The following FBXO11 variants were observed in gnomAD, a reference collection of about 807,000 sequenced individuals.
The protein encoded by FBXO11 is F-box only protein 11.
FBXO11 carries 13 observed loss-of-function variants against 117.0 expected under a neutral mutation model. That is an observed-to-expected ratio of 0.11 (90% CI 0.07 to 0.18). The LOEUF (loss-of-function observed/expected upper bound fraction) is 0.18, where lower values mean the gene tolerates loss of function less well. FBXO11 is among the 10% of genes least tolerant of loss of function. The pLI is 1.00. For synonymous variants in FBXO11, 490 were observed against 380.5 expected (o/e 1.29, Z -3.35); for missense variants, 767 against 1,164.4 (o/e 0.66, Z 4.97).
At chr2:47,856,705 T>TAAA (rs1674322589) in intron 1 of FBXO11, among the ~76,000 whole-genome samples, 2 of 152,198 alleles carry the variant, frequency 1.3e-5, no homozygotes, top group Non-Finnish European at 2.9e-5. Context: ...ATTCGTAAGG[T>TAAA]GAACATTTAC....
At chr2:47,896,538 C>G (rs994807968) in intron 1 of FBXO11, among the ~76,000 whole-genome samples, 6 of 152,148 alleles carry the variant, frequency 3.9e-5, no homozygotes, top group Non-Finnish European at 7.4e-5. Context: ...CCATGTTGCC[C>G]AGGCAGGTCT....
In FBXO11 at chr2:47,808,484, C is replaced by A. The variant is rs567295575; in HGVS notation, c.2556-57G>T. 5.6e-6 allele frequency: 8 copies of A among 1,439,592 alleles called. No individual in the cohort carries two copies. In the East Asian group the frequency reaches 1.6e-4, roughly 29 times the overall value. 89.2% of individuals were successfully genotyped at this position (1,439,592 alleles called of 1,614,324 possible). On this transcript the variant is annotated intron_variant, in intron 21 of 22. Transcript: ENST00000403359. ...AAACATGTCATTAATGCAAAACATT[C>A]CATTCTGTTTATATATTACTATGAC...
intron 14 of FBXO11, among the ~76,000 whole-genome samples, chr2:47,819,836 C>A (rs951975082): frequency 3.3e-5 from 5 of 152,108 alleles, no homozygotes; most frequent in Admixed American, 2.6e-4. Flanking sequence ...AAAAGTAATG[C>A]CTTGCATAAG....
At chr2:47,860,372 G>A (rs1674666688) in intron 1 of FBXO11, among the ~76,000 whole-genome samples, 1 of 150,626 alleles carries the variant, frequency 6.6e-6, no homozygotes, top group Non-Finnish European at 1.5e-5. Flanking sequence ...ATGAATGTAA[G>A]TTTTCAATCC....
intron 10 of FBXO11, 37 bp downstream of exon 10, chr2:47,832,535 T>C (rs1396438159): frequency 3.1e-6 from 5 of 1,607,850 alleles, no homozygotes; most frequent in Non-Finnish European, 4.2e-6. Flanking sequence ...TTAAACATTT[T>C]CTAAAAAGAA....
At chr2:47,865,059 G>A (rs1471801582) in intron 1 of FBXO11, among the ~76,000 whole-genome samples, 1 of 152,182 alleles carries the variant, frequency 6.6e-6, no homozygotes, top group East Asian at 1.9e-4. Context: ...TGTTTCCACA[G>A]GAATTAACAG....
intron 1 of FBXO11, among the ~76,000 whole-genome samples, chr2:47,904,736 T>C (rs1432964161): frequency 6.6e-6 from 1 of 151,566 alleles, no homozygotes; most frequent in South Asian, 2.1e-4. Context: ...GGGGTGTCGA[T>C]AGAGCGGAAG....
At chr2:47,834,529 C>A in intron 7 of FBXO11, 50 bp downstream of exon 7, 1 of 1,409,060 alleles carries the variant, frequency 7.1e-7, no homozygotes, top group Non-Finnish European at 9.5e-7. Flanking sequence ...AATCCTATCA[C>A]ATAAATGAGT....
At chr2:47,828,919 T>C (rs1327550126) in intron 11 of FBXO11, among the ~76,000 whole-genome samples, 1 of 152,108 alleles carries the variant, frequency 6.6e-6, no homozygotes, top group Non-Finnish European at 1.5e-5. Flanking sequence ...GCCATGAATT[T>C]TTTTATTTTT....
intron 19 of FBXO11, 73 bp from the exon 20 acceptor site, chr2:47,809,780 A>G (rs1173481644): frequency 1.1e-6 from 1 of 915,804 alleles, no homozygotes; most frequent in African/African-American, 1.7e-5. Flanking sequence ...TTAGCAAGCA[A>G]ATGTAAACTG....
intron 1 of FBXO11, among the ~76,000 whole-genome samples, chr2:47,868,714 G>C (rs546219878): frequency 8.9e-4 from 135 of 152,270 alleles, no homozygotes; most frequent in African/African-American, 3.1e-3. Flanking sequence ...ACTTCTACTT[G>C]CCAAGGTTGA....
At chr2:47,898,498 T>A (rs1430280820) in intron 1 of FBXO11, among the ~76,000 whole-genome samples, 4 of 152,186 alleles carry the variant, frequency 2.6e-5, no homozygotes, top group Non-Finnish European at 4.4e-5. Flanking sequence ...TGAGCTAAAA[T>A]CAGTTAATAC....
chr2:47,837,500 C>A (rs375303699), intron 4 of FBXO11, among the ~76,000 whole-genome samples: 35 of 152,262 alleles, frequency 2.3e-4, no homozygotes, highest in African/African-American at 8.4e-4. Context: ...GCACTCTAGC[C>A]TGGGCAACAA....
chr2:47,844,079 T>C (rs749208105), intron 1 of FBXO11, among the ~76,000 whole-genome samples: 2 of 152,210 alleles, frequency 1.3e-5, no homozygotes, highest in Non-Finnish European at 2.9e-5. Context: ...GCTAGACTTT[T>C]GCTTTTCAGC....
intron 1 of FBXO11, among the ~76,000 whole-genome samples, chr2:47,885,012 C>T (rs1676713693): frequency 2.0e-5 from 3 of 152,070 alleles, no homozygotes; most frequent in Non-Finnish European, 4.4e-5. Flanking sequence ...CATTACCAAA[C>T]AGTATTATAA....
chr2:47,898,368 C>A (rs1677836309), intron 1 of FBXO11, among the ~76,000 whole-genome samples: 1 of 152,160 alleles, frequency 6.6e-6, no homozygotes, highest in South Asian at 2.1e-4. Context: ...ATATAAGAAA[C>A]ACACCAAACC....
chr2:47,903,589 T>TAC (rs1678488301), intron 1 of FBXO11, among the ~76,000 whole-genome samples: 1 of 152,214 alleles, frequency 6.6e-6, no homozygotes, highest in South Asian at 2.1e-4. Context: ...AGTTCGAAAT[T>TAC]ACACACAAAC....
chr2:47,897,917 C>T (rs1677798280), intron 1 of FBXO11, among the ~76,000 whole-genome samples: 1 of 152,098 alleles, frequency 6.6e-6, no homozygotes, highest in South Asian at 2.1e-4. Context: ...AATACAAAAG[C>T]TCTCTTCACA....
chr2:47,823,722 C>T (rs763004836), intron 11 of FBXO11, among the ~76,000 whole-genome samples: 13 of 151,602 alleles, frequency 8.6e-5, no homozygotes, highest in Non-Finnish European at 1.6e-4. Context: ...CACTGCACTC[C>T]AGCCTGGGTG....
Sources: allele counts gnomAD v4.1 joint callset (sites outside exome capture counted in the v4.1 genomes callset), GRCh38; gene constraint gnomAD v4.1.1; transcripts MANE v1.5; gene names NCBI Gene and HGNC (gene_info 2026-07-23, HGNC 2026-07-21).